ABL2: variants seen among roughly 807,000 people sequenced by gnomAD.
The protein encoded by ABL2 is tyrosine-protein kinase ABL2.
In ABL2, 49 loss-of-function variants were observed where a neutral mutation model predicts 107.7. The ratio of observed to expected loss-of-function variants is 0.45; its 90% confidence interval spans 0.36 to 0.58. The LOEUF is 0.58. ABL2 is among the 20% of genes least tolerant of loss of function. The probability of loss-of-function intolerance (pLI) is 0.00; values close to 1 mark genes in which losing one functional copy is unlikely to be tolerated. For synonymous variants in ABL2, 549 were observed against 548.6 expected, an observed-to-expected ratio of 1.00 and a Z score of -0.01; for missense variants, 1,245 against 1,457.0, an observed-to-expected ratio of 0.85 and a Z score of 2.37.
chr1:179,131,538 T>G, intron 2 of ABL2, 57 bp from the exon 3 acceptor site: 1 of 1,537,164 alleles, frequency 6.5e-7, no homozygotes, highest in South Asian at 1.1e-5. Context: ...GAAACATTTG[T>G]TTGAATTCAT....
rs1029010451 is a variant in ABL2 at position 179,107,604 on chromosome 1, A to G, written c.*114T>C. On this transcript the variant is annotated 3_prime_UTR_variant, in exon 12 of 12. Coordinates refer to ENST00000502732, the MANE Select transcript of ABL2 (RefSeq NM_007314.4). ...AACTCAGGGATCTGAGGTACTTCAC[A>G]TAAACACACTCAAGTATGAGTCTTT... 1 of 1,503,148 alleles carries G rather than the reference A, an allele frequency of 6.7e-7. No homozygotes were observed. The highest frequency in any genetic ancestry group is 8.8e-7 in the Non-Finnish European group (1 of 1,130,226). The allele number at this position is 1,503,148 out of a possible 1,614,324, so 93.1% of individuals were successfully genotyped here. A position where few individuals can be genotyped will look rare whatever the true frequency, so the allele number is the denominator to read the frequency against.
chr1:179,135,758 C>T, intron 1 of ABL2, among the ~76,000 whole-genome samples: 1 of 146,614 alleles, frequency 6.8e-6, no homozygotes, highest in African/African-American at 2.5e-5. Context: ...GGCCAGCTGC[C>T]CCGTCCGGGA....
intron 1 of ABL2, among the ~76,000 whole-genome samples, chr1:179,190,494 C>T (rs879913449): frequency 4.6e-5 from 7 of 152,038 alleles, no homozygotes; most frequent in African/African-American, 1.4e-4. Flanking sequence ...TTCTAGGTTT[C>T]GTGGAAGCTT....
intron 6 of ABL2, among the ~76,000 whole-genome samples, chr1:179,119,088 T>C (rs1472714161): frequency 2.7e-5 from 1 of 37,560 alleles, no homozygotes; most frequent in Non-Finnish European, 6.2e-5. Flanking sequence ...CCCATGATTC[T>C]CCTCCTCAAC....
At position 179,146,361 on chromosome 1, in the gene ABL2, T is replaced by A. The variant is rs192203109; in HGVS notation, c.158-12987A>T. On this transcript the variant is annotated intron_variant, in intron 1 of 11. Transcript: ENST00000502732. ...GAGAAAATAAAGAACGGCTGCCAGGTTTTAGGCTTAACTGTAACTGGGTAG... is the reference window on the plus strand; with the variant it reads ...GAGAAAATAAAGAACGGCTGCCAGGATTTAGGCTTAACTGTAACTGGGTAG... 2.6e-5 allele frequency among the ~76,000 whole-genome samples: 4 copies of A among 152,180 alleles called. No homozygotes were observed. In the East Asian group the frequency reaches 7.8e-4, roughly 29 times the overall value.
rs1441221742 is a variant in ABL2, at chr1:179,162,342, C to T, written c.158-28968G>A. Among the ~76,000 whole-genome samples the T allele has an allele frequency of 3.9e-5, 6 of 152,086 alleles. No homozygotes were observed. The East Asian group carries it at 7.7e-4, about 20-fold the overall frequency. Reference sequence around the variant, plus strand: ...GCTCACACCTGTAATCCTAGCACTTCGGGAGGCCAAGGCAGGCAGATCACC... The same window carrying T: ...GCTCACACCTGTAATCCTAGCACTTTGGGAGGCCAAGGCAGGCAGATCACC... On this transcript the variant is annotated intron_variant, in intron 1 of 11. Transcript: ENST00000502732.
chr1:179,224,144 A>AAAC (rs1227339288), intron 1 of ABL2, among the ~76,000 whole-genome samples: 11 of 143,180 alleles, frequency 7.7e-5, no homozygotes, highest in Non-Finnish European at 1.8e-4. Flanking sequence ...CAAAAAAAAA[A>AAAC]AAAAAAAAAA....
rs745326550 is a variant in ABL2 at position 179,108,042 on chromosome 1, G to A, written c.3225C>T (p.Ala1075=). 3.0e-5 allele frequency: 48 copies of A among 1,614,088 alleles called. No homozygotes were observed. The highest frequency in any genetic ancestry group is 2.2e-4 in the Admixed American group (13 of 60,000). ...TTTTGTCTGCTGAGATTTTCTCAGC[G>A]GCCTGTTTGGTTTTTCTCAGAGCCA... ...TKVALRKTKQ[A]AEKISADKIS... is the part of the protein sequence containing the mutation. The change falls in exon 12 of 12, where the codon GCC becomes GCT. Residue 1075 remains alanine (A), a synonymous_variant. Coordinates refer to ENST00000502732, the MANE Select transcript of ABL2 (RefSeq NM_007314.4).
At chr1:179,155,765 T>C (rs1658650598) in intron 1 of ABL2, among the ~76,000 whole-genome samples, 1 of 151,608 alleles carries the variant, frequency 6.6e-6, no homozygotes, top group African/African-American at 2.4e-5. Flanking sequence ...ATACAGCTCA[T>C]GCCAGAACTT....
intron 1 of ABL2, among the ~76,000 whole-genome samples, chr1:179,222,909 G>A (rs985784485): frequency 6.6e-6 from 1 of 151,578 alleles, no homozygotes; most frequent in Non-Finnish European, 1.5e-5. Flanking sequence ...CCAGGAGTTC[G>A]AGACAAGTGT....
At chr1:179,212,641 G>A (rs191802531) in intron 1 of ABL2, among the ~76,000 whole-genome samples, 24 of 152,170 alleles carry the variant, frequency 1.6e-4, no homozygotes, top group African/African-American at 5.1e-4. Context: ...GCTGAGGCAG[G>A]AGAATTGCTT....
intron 1 of ABL2, among the ~76,000 whole-genome samples, chr1:179,141,141 A>G (rs1438477768): frequency 6.6e-6 from 1 of 151,398 alleles, no homozygotes; most frequent in Non-Finnish European, 1.5e-5. Flanking sequence ...AAAAAAATTA[A>G]GTATTGGCTG....
At chr1:179,117,292 A>AT (rs761998300) in intron 8 of ABL2, 40 bp downstream of exon 8, 3 of 1,592,868 alleles carry the variant, frequency 1.9e-6, no homozygotes, top group East Asian at 2.2e-5. Flanking sequence ...TATAAAAAAA[A>AT]AAATAAAATG....
chr1:179,116,160 G>C (rs774225400), intron 8 of ABL2, among the ~76,000 whole-genome samples: 2 of 152,190 alleles, frequency 1.3e-5, no homozygotes, highest in Non-Finnish European at 2.9e-5. Context: ...GATCATTTGA[G>C]GTCAGGAGTT....
intron 1 of ABL2, among the ~76,000 whole-genome samples, chr1:179,156,035 A>C (rs1658667490): frequency 6.6e-6 from 1 of 152,232 alleles, no homozygotes; most frequent in Admixed American, 6.5e-5. Context: ...TTACTCTTTT[A>C]GGACACCTGT....
chr1:179,196,361 A>C (rs1258856115), intron 1 of ABL2: 1 of 152,202 alleles, frequency 6.6e-6, no homozygotes, highest in Non-Finnish European at 1.5e-5. Context: ...CCAAGTTTTA[A>C]AACATTTACA....
chr1:179,143,157 T>C (rs1557951823), intron 1 of ABL2: 1 of 1,339,818 alleles, frequency 7.5e-7, no homozygotes. Flanking sequence ...ATGTACTCAG[T>C]GGCCAGAGGG....
At chr1:179,119,494 G>A (rs539778558) in intron 6 of ABL2, among the ~76,000 whole-genome samples, 1 of 148,372 alleles carries the variant, frequency 6.7e-6, no homozygotes, top group East Asian at 2.0e-4. Context: ...CAGGGTGACA[G>A]AGCAAGACTC....
At chr1:179,122,210 G>C (rs1359328388) in intron 4 of ABL2, among the ~76,000 whole-genome samples, 1 of 149,906 alleles carries the variant, frequency 6.7e-6, no homozygotes, top group Non-Finnish European at 1.5e-5. Context: ...CACCGCTCCC[G>C]GCCTAGGAAT....
Sources: gnomAD v4.1 joint callset for allele counts (sites outside exome capture counted in the v4.1 genomes callset) on GRCh38, gnomAD v4.1.1 for gene constraint, MANE v1.5 for transcripts, NCBI Gene and HGNC (gene_info 2026-07-23, HGNC 2026-07-21) for gene names.